The following ADAM20 variants were observed in gnomAD, a reference collection of about 807,000 sequenced individuals.
ADAM20 encodes ADAM metallopeptidase domain 20.
For synonymous variants in ADAM20, 305 were observed against 310.2 expected (o/e 0.98, Z 0.18); for missense variants, 871 against 883.2 (o/e 0.99, Z 0.18).
At chr14:70,544,714 GATAA>G in the ADAM20 span, among the ~76,000 whole-genome samples, 1 of 152,076 alleles carries the variant, frequency 6.6e-6, no homozygotes, top group African/African-American at 2.4e-5. Context: ...ATAAAGAAAT[GATAA>G]ATGTCTAAGG....
chr14:70,577,189 G>A, the ADAM20 span, among the ~76,000 whole-genome samples: 134 of 152,202 alleles, frequency 8.8e-4, no homozygotes, highest in Admixed American at 1.6e-3. Flanking sequence ...AATATTACAG[G>A]CTAATCTTAA....
the ADAM20 span, among the ~76,000 whole-genome samples, chr14:70,567,678 A>T: frequency 6.6e-6 from 1 of 152,032 alleles, no homozygotes; most frequent in Non-Finnish European, 1.5e-5. Context: ...CCTACACAGA[A>T]TGGCAGCATC....
At chr14:70,566,044 G>A in the ADAM20 span, among the ~76,000 whole-genome samples, 2,420 of 152,118 alleles carry the variant, frequency 0.016, 43 homozygotes, top group African/African-American at 0.038. Context: ...TCACCACTAT[G>A]TTTACCTTAT....
At chr14:70,557,040 T>C in the ADAM20 span, 1 of 152,186 alleles carries the variant, frequency 6.6e-6, no homozygotes, top group Admixed American at 6.5e-5. Context: ...AAGGAGATCA[T>C]TTCAGTCCCT....
At position 70,523,403 on chromosome 14, in the gene ADAM20, C is replaced by A. The variant is rs758362163; in HGVS notation, c.1355G>T (p.Cys452Phe). 2.5e-6 allele frequency: 4 copies of A among 1,613,906 alleles called. No homozygotes were observed. The highest frequency in any genetic ancestry group is 2.2e-5 in the South Asian group (2 of 91,086). Residue 452 changes from cysteine to phenylalanine, a missense_variant, in exon 2 of 2, where the codon TGT becomes TTT. Coordinates refer to ENST00000256389, the MANE Select transcript of ADAM20 (RefSeq NM_003814.5). ...HPGAACAFGI[C>F]CKDCKFLPSG... is the part of the protein sequence containing the mutation. The stretch of plus-strand genomic sequence containing the variant: ...TGGCAGAAATTTGCAGTCTTTGCAA[C>A]ATATTCCAAAAGCACAAGCAGCCCC...
chr14:70,569,234 T>C, the ADAM20 span, among the ~76,000 whole-genome samples: 2 of 152,138 alleles, frequency 1.3e-5, no homozygotes, highest in Non-Finnish European at 2.9e-5. Flanking sequence ...TTAAGGGAAT[T>C]TGTCTCCACC....
chr14:70,535,627 A>T (rs1032490702), upstream of ADAM20, among the ~76,000 whole-genome samples: 3 of 152,230 alleles, frequency 2.0e-5, no homozygotes, highest in Non-Finnish European at 4.4e-5. Context: ...ACTCCTCAAG[A>T]CATACTCCTA....
At chr14:70,562,884 T>C in the ADAM20 span, among the ~76,000 whole-genome samples, 1 of 152,208 alleles carries the variant, frequency 6.6e-6, no homozygotes, top group African/African-American at 2.4e-5. Context: ...GAGAACAAAC[T>C]AATAAAACTT....
the ADAM20 span, chr14:70,557,268 G>T: frequency 6.6e-6 from 1 of 152,154 alleles, no homozygotes; most frequent in African/African-American, 2.4e-5. Context: ...GTCTAGAAAA[G>T]ATATATATGA....
rs751100421 is a variant in ADAM20 at position 70,523,184 on chromosome 14, C to T, written c.1574G>A (p.Ser525Asn). 6.2e-7 allele frequency: 1 copy of T among 1,613,968 alleles called. No homozygotes were observed. Residue 525 changes from serine to asparagine, a missense_variant, in exon 2 of 2, where the codon AGT becomes AAT. By Grantham distance (46) the Ser-to-Asn change is conservative. Transcript: ENST00000256389. ...CKEIFGQDAR[S>N]ASQSCYQEIN... ...TTCTTGGTAGCAACTCTGAGATGCACTCCTTGCATCTTGGCCAAAAATCTC... is the reference window on the plus strand; with the variant it reads ...TTCTTGGTAGCAACTCTGAGATGCATTCCTTGCATCTTGGCCAAAAATCTC...
the ADAM20 span, among the ~76,000 whole-genome samples, chr14:70,545,242 G>C: frequency 6.6e-6 from 1 of 152,196 alleles, no homozygotes; most frequent in Admixed American, 6.5e-5. Flanking sequence ...GCCCCGTTTT[G>C]ACTTCTTATT....
chr14:70,523,047 C>A lies in ADAM20; in HGVS notation c.1711G>T (p.Val571Leu). The change falls in exon 2 of 2, where the codon GTA becomes TTA. Residue 571 changes from valine (V) to leucine (L), a missense_variant. Coordinates refer to ENST00000256389, the MANE Select transcript of ADAM20 (RefSeq NM_003814.5). ...CGRVQCENVG[V>L]IPNLIEHSTV... Reference sequence around the variant, plus strand: ...GAATGCTCTATCAGATTGGGAATTACTCCCACATTTTCACACTGAACCCTC... The same window carrying A: ...GAATGCTCTATCAGATTGGGAATTAATCCCACATTTTCACACTGAACCCTC... 3.7e-6 allele frequency: 6 copies of A among 1,613,988 alleles called. No individual in the cohort carries two copies. Among genetic ancestry groups the A allele is most frequent in the Non-Finnish European group, 5.1e-6 (6 of 1,179,956 alleles).
the ADAM20 span, among the ~76,000 whole-genome samples, chr14:70,558,636 G>A: frequency 6.6e-6 from 1 of 152,060 alleles, no homozygotes; most frequent in Non-Finnish European, 1.5e-5. Flanking sequence ...GGTGTGCACA[G>A]TGTTCTTGGA....
At chr14:70,525,164 T>C (rs1409209861) in intron 1 of ADAM20, among the ~76,000 whole-genome samples, 1 of 152,212 alleles carries the variant, frequency 6.6e-6, no homozygotes, top group Non-Finnish European at 1.5e-5. Flanking sequence ...TCTTAAAATA[T>C]GTAAAATGGC....
In ADAM20 at chr14:70,532,885, A is replaced by T. The variant is rs913856883; in HGVS notation, c.-177+1912T>A. Among the ~76,000 whole-genome samples the T allele has an allele frequency of 7.2e-5, 11 of 152,036 alleles. No homozygotes were observed. The South Asian group carries it at 1.0e-3, about 14-fold the overall frequency. The stretch of plus-strand genomic sequence containing the variant: ...TGACCTGAATAGGCATTTATCCAAA[A>T]ATATATATATATGGCCAACACCATT... On this transcript the variant is annotated intron_variant, in intron 1 of 1. Coordinates refer to ENST00000256389, the MANE Select transcript of ADAM20 (RefSeq NM_003814.5).
upstream of ADAM20, among the ~76,000 whole-genome samples, chr14:70,539,288 C>G (rs1883899057): frequency 3.3e-5 from 5 of 152,212 alleles, no homozygotes; most frequent in African/African-American, 1.2e-4. Flanking sequence ...GACGAGCCAA[C>G]AACGCGTGAT....
At chr14:70,561,196 C>T in the ADAM20 span, among the ~76,000 whole-genome samples, 1 of 152,318 alleles carries the variant, frequency 6.6e-6, no homozygotes, top group Non-Finnish European at 1.5e-5. Flanking sequence ...TATGCTTTAG[C>T]AAAGACACTG....
chr14:70,524,445 T>A lies in ADAM20; in HGVS notation c.313A>T (p.Ile105Phe), dbSNP rs770174303. The stretch of plus-strand genomic sequence containing the variant: ...CCATGGTAGTAGCAGTCATCCTGGA[T>A]GAAGGGCTGATCCTGGAGCAGGGCA... The part of the protein sequence containing the change: ...QHALLQDQPF[I>F]QDDCYYHGYV... The change falls in exon 2 of 2, where the codon ATC (isoleucine) becomes TTC (phenylalanine). Residue 105 changes from isoleucine to phenylalanine, a missense_variant. Coordinates refer to ENST00000256389, the MANE Select transcript of ADAM20 (RefSeq NM_003814.5). The A allele has an allele frequency of 2.5e-5, 40 of 1,613,906 alleles. No individual in the cohort carries two copies. Among genetic ancestry groups the A allele is most frequent in the Non-Finnish European group, 3.2e-5 (38 of 1,179,938 alleles).
the ADAM20 span, among the ~76,000 whole-genome samples, chr14:70,540,447 T>G: frequency 6.6e-6 from 1 of 152,222 alleles, no homozygotes; most frequent in African/African-American, 2.4e-5. Flanking sequence ...AGTGGCACAG[T>G]AAGATTAGAA....
Sources: gnomAD v4.1 joint callset for allele counts (sites outside exome capture counted in the v4.1 genomes callset) on GRCh38, gnomAD v4.1.1 for gene constraint, MANE v1.5 for transcripts, NCBI Gene and HGNC (gene_info 2026-07-23, HGNC 2026-07-21) for gene names.